The following CCL18 variants were observed in gnomAD, a reference collection of about 807,000 sequenced individuals.
CCL18 encodes C-C motif chemokine ligand 18.
In CCL18, 7 loss-of-function variants were observed where a neutral mutation model predicts 8.0. That is an observed-to-expected ratio of 0.87 (90% CI 0.50 to 1.64). The LOEUF is 1.64. CCL18 is among the 40% of genes most tolerant of loss of function. CCL18 has a pLI of 0.00. For synonymous variants in CCL18, 35 were observed against 41.3 expected, an observed-to-expected ratio of 0.85 and a Z score of 0.59; for missense variants, 95 against 107.8, an observed-to-expected ratio of 0.88 and a Z score of 0.52.
intron 1 of CCL18, 110 bp from the exon 2 acceptor site, chr17:36,070,337 C>T: frequency 1.5e-6 from 1 of 649,898 alleles, no homozygotes; most frequent in Admixed American, 2.5e-5. Context: ...TATCCCCACC[C>T]CAAGCGGTGA....
intron 1 of CCL18, among the ~76,000 whole-genome samples, chr17:36,065,817 C>T (rs183674547): frequency 6.6e-6 from 1 of 152,206 alleles, no homozygotes; most frequent in African/African-American, 2.4e-5. Context: ...CTGTCTTACT[C>T]TCACTCCCTT....
At chr17:36,069,786 C>A (rs1025708184) in intron 1 of CCL18, among the ~76,000 whole-genome samples, 3 of 152,176 alleles carry the variant, frequency 2.0e-5, no homozygotes, top group African/African-American at 7.2e-5. Flanking sequence ...GTTGCCCTTG[C>A]TGTCCTTTTC....
chr17:36,067,300 C>T (rs2066842562), intron 1 of CCL18, among the ~76,000 whole-genome samples: 1 of 152,064 alleles, frequency 6.6e-6, no homozygotes. Context: ...TATTTTTTCA[C>T]CCAGGAAGCC....
At chr17:36,068,800 G>A (rs888078256) in intron 1 of CCL18, among the ~76,000 whole-genome samples, 2 of 152,106 alleles carry the variant, frequency 1.3e-5, no homozygotes, top group Non-Finnish European at 1.5e-5. Flanking sequence ...CTGAGTTCTT[G>A]ATGACACAAC....
At chr17:36,069,439 A>C (rs2142052875) in intron 1 of CCL18, among the ~76,000 whole-genome samples, 1 of 152,306 alleles carries the variant, frequency 6.6e-6, no homozygotes, top group Non-Finnish European at 1.5e-5. Flanking sequence ...ATGATTAAAA[A>C]ATTTTCCCCT....
At chr17:36,069,170 C>T (rs918723910) in intron 1 of CCL18, among the ~76,000 whole-genome samples, 2 of 152,130 alleles carry the variant, frequency 1.3e-5, no homozygotes, top group African/African-American at 4.8e-5. Context: ...GTCCATGGTA[C>T]ATCTATGCTG....
In CCL18 at chr17:36,071,280, T is replaced by C. The variant is rs774493976; in HGVS notation, c.*239T>C. 664 of 512,420 alleles carry C rather than the reference T, an allele frequency of 1.3e-3. No homozygotes were observed. The highest frequency in any genetic ancestry group is 1.9e-3 in the Non-Finnish European group (559 of 290,192). The allele number at this position is 512,420 out of a possible 1,614,324, so 31.7% of individuals were successfully genotyped here. On this transcript the variant is annotated 3_prime_UTR_variant, in exon 3 of 3. Coordinates refer to ENST00000616054, the MANE Select transcript of CCL18 (RefSeq NM_002988.4). Reference sequence around the variant, plus strand: ...TATTTTCTCTGACATCTCATGACATTGTCTTTATCATCCTTTCCCCTTTCC... The same window carrying C: ...TATTTTCTCTGACATCTCATGACATCGTCTTTATCATCCTTTCCCCTTTCC...
chr17:36,069,125 G>T (rs1277238585), intron 1 of CCL18, among the ~76,000 whole-genome samples: 1 of 152,198 alleles, frequency 6.6e-6, no homozygotes, highest in Non-Finnish European at 1.5e-5. Flanking sequence ...CAAATGCTGG[G>T]ATTACAGGCA....
At chr17:36,065,303 G>T (rs1370710503) in intron 1 of CCL18, among the ~76,000 whole-genome samples, 1 of 152,104 alleles carries the variant, frequency 6.6e-6, no homozygotes, top group Non-Finnish European at 1.5e-5. Flanking sequence ...TCTGCCTAAA[G>T]GAATCCTCTT....
intron 1 of CCL18, among the ~76,000 whole-genome samples, chr17:36,066,028 G>A (rs558649078): frequency 1.9e-4 from 29 of 152,308 alleles, no homozygotes; most frequent in African/African-American, 7.0e-4. Context: ...CCCAGAGTTT[G>A]CATCTTGTGA....
chr17:36,068,047 T>A (rs1413731600), intron 1 of CCL18, among the ~76,000 whole-genome samples: 1 of 152,200 alleles, frequency 6.6e-6, no homozygotes, highest in Non-Finnish European at 1.5e-5. Flanking sequence ...TACCATACAG[T>A]GAAGGTGTAC....
Position 36,070,434 on chromosome 17 carries a change from C to T in CCL18, c.68-13C>T, listed in dbSNP as rs1173024183. On this transcript the variant is annotated splice_polypyrimidine_tract_variant and intron_variant, in intron 1 of 2. Coordinates refer to ENST00000616054, the MANE Select transcript of CCL18 (RefSeq NM_002988.4). The stretch of plus-strand genomic sequence containing the variant: ...AACAATGACTTGGGATCTTTCTGTC[C>T]TGTCTCTTGCAGTTGGTACCAACAA... The T allele has an allele frequency of 1.3e-5, 19 of 1,515,018 alleles. No homozygotes were observed. Among genetic ancestry groups the T allele is most frequent in the Admixed American group, 3.3e-5 (2 of 59,860 alleles). 93.8% of individuals were successfully genotyped at this position (1,515,018 alleles called of 1,614,324 possible). A position where few individuals can be genotyped will look rare whatever the true frequency, so the allele number is the denominator to read the frequency against.
Position 36,064,630 on chromosome 17 carries a change from G to A in CCL18, c.67+221G>A, listed in dbSNP as rs79020437. ...TTTATCCTACTGAGATAAATGAGATGGTTGAAGTCTAATTCATTGGGTTAT... is the reference window on the plus strand; with the variant it reads ...TTTATCCTACTGAGATAAATGAGATAGTTGAAGTCTAATTCATTGGGTTAT... On this transcript the variant is annotated intron_variant, in intron 1 of 2. Coordinates refer to ENST00000616054, the MANE Select transcript of CCL18 (RefSeq NM_002988.4). 1.2e-3 allele frequency among the ~76,000 whole-genome samples: 184 copies of A among 152,300 alleles called. No homozygotes were observed. The East Asian group carries it at 0.032, about 27-fold the overall frequency.
rs770526900 is a variant in CCL18, at chr17:36,070,993, T to G, written c.222T>G (p.Asn74Lys). The stretch of plus-strand genomic sequence containing the variant: ...GCCGGCAGATCTGTGCTGACCCCAA[T>G]AAGAAGTGGGTCCAGAAATACATCA... ...KRGRQICADP[N>K]KKWVQKYISD... The change falls in exon 3 of 3, where the codon AAT becomes AAG. Residue 74 changes from asparagine to lysine, a missense_variant. Coordinates refer to ENST00000616054, the MANE Select transcript of CCL18 (RefSeq NM_002988.4). 4.3e-6 allele frequency: 7 copies of G among 1,613,886 alleles called. No homozygotes were observed. In the African/African-American group the frequency reaches 9.3e-5, roughly 22 times the overall value.
At chr17:36,068,240 A>G (rs993789442) in intron 1 of CCL18, among the ~76,000 whole-genome samples, 1 of 152,234 alleles carries the variant, frequency 6.6e-6, no homozygotes, top group Admixed American at 6.5e-5. Flanking sequence ...CAGACACAGT[A>G]AGAAGAAGGA....
intron 1 of CCL18, 57 bp from the exon 2 acceptor site, chr17:36,070,390 G>A: frequency 9.8e-7 from 1 of 1,022,698 alleles, no homozygotes; most frequent in East Asian, 2.4e-5. Flanking sequence ...GGGACCAGGA[G>A]CAGCTGGCTT....
chr17:36,065,272 T>C (rs1328937110), intron 1 of CCL18, among the ~76,000 whole-genome samples: 2 of 152,240 alleles, frequency 1.3e-5, no homozygotes, highest in Non-Finnish European at 2.9e-5. Context: ...ATCTCTGAGC[T>C]CCATCTGCAA....
chr17:36,070,412 A>G (rs2066859143), intron 1 of CCL18, 35 bp from the exon 2 acceptor site: 3 of 1,346,642 alleles, frequency 2.2e-6, no homozygotes, highest in African/African-American at 2.9e-5. Context: ...CCTTGTGAAC[A>G]ATGACTTGGG....
chr17:36,070,616 G>A (rs1269107070), intron 2 of CCL18, 58 bp downstream of exon 2: 1 of 1,069,952 alleles, frequency 9.3e-7, no homozygotes, highest in South Asian at 1.3e-5. Context: ...TTTGGGGTGA[G>A]GTCCCCTCAG....
Sources: allele counts gnomAD v4.1 joint callset (sites outside exome capture counted in the v4.1 genomes callset), GRCh38; gene constraint gnomAD v4.1.1; transcripts MANE v1.5; gene names NCBI Gene and HGNC (gene_info 2026-07-23, HGNC 2026-07-21).